TXNDC11: variants seen among roughly 807,000 people sequenced by gnomAD.
The protein encoded by TXNDC11 is thioredoxin domain-containing protein 11.
TXNDC11 carries 68 observed loss-of-function variants against 78.0 expected under a neutral mutation model. That is an observed-to-expected ratio of 0.87 (90% confidence interval 0.72 to 1.07). The LOEUF (loss-of-function observed/expected upper bound fraction) is 1.07, where lower values mean the gene tolerates loss of function less well. Ranked by LOEUF, TXNDC11 falls within the 50% of genes least tolerant of loss-of-function variation. TXNDC11 has a pLI of 0.00. For synonymous variants in TXNDC11, 571 were observed against 495.2 expected (o/e 1.15, Z -2.03); for missense variants, 1,389 against 1,221.8 (o/e 1.14, Z -2.04).
At chr16:11,717,472 C>CT (rs1465275651) in intron 5 of TXNDC11, among the ~76,000 whole-genome samples, 1 of 130,166 alleles carries the variant, frequency 7.7e-6, no homozygotes, top group African/African-American at 2.8e-5. Context: ...AGAGATTTAA[C>CT]TTTTTTTTAA....
At chr16:11,694,260 T>C (rs553992899) in intron 7 of TXNDC11, among the ~76,000 whole-genome samples, 1 of 150,628 alleles carries the variant, frequency 6.6e-6, no homozygotes, top group East Asian at 2.0e-4. Context: ...CAGGCATGCA[T>C]CACGACACCC....
intron 7 of TXNDC11, 42 bp downstream of exon 7, chr16:11,698,083 T>A (rs766887080): frequency 6.3e-7 from 1 of 1,593,776 alleles, no homozygotes; most frequent in Non-Finnish European, 8.6e-7. Flanking sequence ...AGATGAGGCT[T>A]TCCTACTCCT....
At chr16:11,702,335 C>T (rs545448216) in intron 5 of TXNDC11, among the ~76,000 whole-genome samples, 35 of 152,144 alleles carry the variant, frequency 2.3e-4, no homozygotes, top group Middle Eastern at 3.4e-3. Flanking sequence ...TCTTTCCTAT[C>T]CCCTTTTTGC....
At chr16:11,680,292 G>A (rs2050389753) in intron 11 of TXNDC11, among the ~76,000 whole-genome samples, 1 of 152,252 alleles carries the variant, frequency 6.6e-6, no homozygotes, top group Non-Finnish European at 1.5e-5. Flanking sequence ...GAACTTGAAA[G>A]ATACCCAGTC....
At chr16:11,738,492 CAAT>C (rs909075421) in intron 1 of TXNDC11, among the ~76,000 whole-genome samples, 1 of 152,234 alleles carries the variant, frequency 6.6e-6, no homozygotes, top group Non-Finnish European at 1.5e-5. Flanking sequence ...AATGTGTAAA[CAAT>C]AAAAATATAC....
At chr16:11,719,061 T>C (rs2051627722) in intron 5 of TXNDC11, among the ~76,000 whole-genome samples, 1 of 152,174 alleles carries the variant, frequency 6.6e-6, no homozygotes, top group Non-Finnish European at 1.5e-5. Context: ...TTTAGAAACC[T>C]CTGAATGAAA....
At chr16:11,740,030 G>A (rs7206670) in intron 1 of TXNDC11, among the ~76,000 whole-genome samples, 1 of 151,384 alleles carries the variant, frequency 6.6e-6, no homozygotes, top group Admixed American at 6.6e-5. Context: ...CCGTCTCTAC[G>A]AAAAATACAA....
At chr16:11,740,838 G>T (rs951429960) in intron 1 of TXNDC11, among the ~76,000 whole-genome samples, 5 of 152,218 alleles carry the variant, frequency 3.3e-5, no homozygotes, top group South Asian at 2.1e-4. Flanking sequence ...AATGGGGATT[G>T]TAAGATTTAA....
intron 4 of TXNDC11, among the ~76,000 whole-genome samples, chr16:11,724,807 G>A (rs1439063288): frequency 2.6e-5 from 4 of 152,078 alleles, no homozygotes; most frequent in African/African-American, 7.2e-5. Context: ...GTGCAGTGGC[G>A]TGATCTCCGC....
At position 11,736,242 on chromosome 16, in the gene TXNDC11, G is replaced by T; in HGVS notation, c.255-9C>A. 1.9e-6 allele frequency: 3 copies of T among 1,589,954 alleles called. No homozygotes were observed. Among genetic ancestry groups the T allele is most frequent in the South Asian group, 2.3e-5 (2 of 88,792 alleles). On this transcript the variant is annotated splice_polypyrimidine_tract_variant and intron_variant, in intron 1 of 11. Coordinates refer to ENST00000283033, the MANE Select transcript of TXNDC11 (RefSeq NM_015914.7). ...TCACATCTTTTGCTCGACTAAAAAA[G>T]AGCAAACACAGAAAAGATTGCTTAG...
In TXNDC11 at chr16:11,679,511, G is replaced by A. The variant is rs1291026392; in HGVS notation, c.2561C>T (p.Ala854Val). The A allele has an allele frequency of 1.9e-6, 3 of 1,613,332 alleles. No individual in the cohort carries two copies. Among genetic ancestry groups the A allele is most frequent in the Non-Finnish European group, 2.5e-6 (3 of 1,180,000 alleles). Residue 854 changes from alanine (A) to valine (V), a missense_variant, in exon 12 of 12, where the codon GCA (alanine) becomes GTA (valine). Physicochemically the swap from Ala to Val is moderately conservative, Grantham distance 64. Coordinates refer to ENST00000283033, the MANE Select transcript of TXNDC11 (RefSeq NM_015914.7). This position sits in a 1 kb window ranked among gnomAD's most constrained non-coding sequence, Gnocchi z 4.6. ...GAGGGCCTGCAGCTGCTCACTGTGT[G>A]CGTGGAGCAGGCTGTGCTGCTCTTC... Reference protein sequence around the residue: ...ALEEQHSLLHAHSEQLQALYE... With the variant: ...ALEEQHSLLHVHSEQLQALYE...
chr16:11,679,912 G>C lies in TXNDC11; in HGVS notation c.2235-75C>G. On this transcript the variant is annotated intron_variant, in intron 11 of 11. Coordinates refer to ENST00000283033, the MANE Select transcript of TXNDC11 (RefSeq NM_015914.7). This position sits in a 1 kb window ranked among gnomAD's most constrained non-coding sequence, Gnocchi z 4.6. ...GAGTCCAAAAGCAGGCTGTACCTGA[G>C]GCCAGGCCATCTACTTCTCACCAAG... is the stretch of plus-strand genomic sequence containing the variant. The C allele has an allele frequency of 3.8e-6, 5 of 1,299,634 alleles. No homozygotes were observed. The South Asian group carries it at 7.0e-5, about 18-fold the overall frequency. The allele number at this position is 1,299,634 out of a possible 1,614,324, so 80.5% of individuals were successfully genotyped here.
intron 4 of TXNDC11, among the ~76,000 whole-genome samples, chr16:11,728,208 T>C (rs1199520457): frequency 6.6e-6 from 1 of 152,214 alleles, no homozygotes; most frequent in Non-Finnish European, 1.5e-5. Context: ...GTCTCTATCT[T>C]ATAGGCAGTG....
chr16:11,714,100 G>A (rs1046773292), intron 5 of TXNDC11, among the ~76,000 whole-genome samples: 16 of 151,712 alleles, frequency 1.1e-4, no homozygotes, highest in African/African-American at 3.9e-4. Flanking sequence ...AGAAAGCAGT[G>A]GCATGATCTC....
intron 7 of TXNDC11, among the ~76,000 whole-genome samples, chr16:11,693,976 T>C (rs2050787983): frequency 6.6e-6 from 1 of 152,194 alleles, no homozygotes; most frequent in African/African-American, 2.4e-5. Flanking sequence ...TTAATTATAT[T>C]ATAGAGAAGA....
intron 4 of TXNDC11, among the ~76,000 whole-genome samples, chr16:11,725,933 T>C (rs1430050570): frequency 6.6e-6 from 1 of 152,168 alleles, no homozygotes; most frequent in Non-Finnish European, 1.5e-5. Flanking sequence ...TGGAGTGCAG[T>C]GGTGCCATCA....
At chr16:11,731,636 G>T (rs184637275) in intron 3 of TXNDC11, among the ~76,000 whole-genome samples, 8 of 151,822 alleles carry the variant, frequency 5.3e-5, no homozygotes, top group Admixed American at 2.0e-4. Flanking sequence ...GCCCAGTGAA[G>T]AATTTTATAA....
intron 4 of TXNDC11, among the ~76,000 whole-genome samples, chr16:11,729,940 C>G (rs1430863092): frequency 6.6e-6 from 1 of 151,956 alleles, no homozygotes; most frequent in African/African-American, 2.4e-5. Flanking sequence ...GTGAAAAATA[C>G]AAAAATTAGC....
At chr16:11,684,346 C>A in intron 10 of TXNDC11, 101 bp from the exon 11 acceptor site, 3 of 810,538 alleles carry the variant, frequency 3.7e-6, no homozygotes, top group Non-Finnish European at 6.1e-6. Flanking sequence ...GCATTTTTTA[C>A]ACCCCACATT....
Sources: allele counts gnomAD v4.1 joint callset (sites outside exome capture counted in the v4.1 genomes callset), GRCh38; gene constraint gnomAD v4.1.1; non-coding constraint Gnocchi (gnomAD v3.1); transcripts MANE v1.5; gene names NCBI Gene and HGNC (gene_info 2026-07-23, HGNC 2026-07-21).